The following PAK1 variants were observed in gnomAD, a reference collection of about 807,000 sequenced individuals.
PAK1 encodes p21 (RAC1) activated kinase 1.
PAK1 carries 29 observed loss-of-function variants against 67.4 expected under a neutral mutation model. The observed-to-expected ratio is 0.43, with a 90% CI of 0.32 to 0.59. The LOEUF (loss-of-function observed/expected upper bound fraction) is 0.59, where lower values mean the gene tolerates loss of function less well. PAK1 is among the 20% of genes least tolerant of loss of function. The probability of loss-of-function intolerance (pLI) is 0.07; values close to 1 mark genes in which losing one functional copy is unlikely to be tolerated. For synonymous variants in PAK1, 223 were observed against 237.4 expected, an observed-to-expected ratio of 0.94 and a Z score of 0.56; for missense variants, 337 against 670.7, an observed-to-expected ratio of 0.50 and a Z score of 5.50.
intron 2 of PAK1, among the ~76,000 whole-genome samples, chr11:77,380,330 C>A (rs1164752193): frequency 6.6e-6 from 1 of 151,976 alleles, no homozygotes; most frequent in East Asian, 1.9e-4. Context: ...CCTGTCTCTG[C>A]AAAAATACAA....
At chr11:77,436,695 C>A (rs1460696266) in intron 1 of PAK1, among the ~76,000 whole-genome samples, 4 of 152,146 alleles carry the variant, frequency 2.6e-5, no homozygotes, top group Non-Finnish European at 4.4e-5. Flanking sequence ...ACAGCCAGTG[C>A]CAATCAGGAA....
chr11:77,450,293 T>C (rs1423637213), intron 1 of PAK1, among the ~76,000 whole-genome samples: 3 of 152,080 alleles, frequency 2.0e-5, no homozygotes, highest in Non-Finnish European at 1.5e-5. Context: ...GTTTACCTGA[T>C]CATGTGGGTT....
At chr11:77,451,677 G>A (rs1956862018) in intron 1 of PAK1, among the ~76,000 whole-genome samples, 1 of 142,806 alleles carries the variant, frequency 7.0e-6, no homozygotes, top group African/African-American at 2.8e-5. Context: ...TCTGCTCACT[G>A]CAAGCTCCGC....
chr11:77,374,773 CTA>C, intron 4 of PAK1, among the ~76,000 whole-genome samples: 1 of 152,278 alleles, frequency 6.6e-6, no homozygotes, highest in East Asian at 1.9e-4. Flanking sequence ...GCTTTCTAGG[CTA>C]CAAACCTGTA....
At chr11:77,458,889 G>A (rs1327632661) in intron 1 of PAK1, among the ~76,000 whole-genome samples, 2 of 152,154 alleles carry the variant, frequency 1.3e-5, no homozygotes, top group Non-Finnish European at 2.9e-5. Flanking sequence ...CACTGATCAA[G>A]ATACTGAAGA....
chr11:77,385,855 CA>C (rs888889360), intron 2 of PAK1, among the ~76,000 whole-genome samples: 8 of 144,892 alleles, frequency 5.5e-5, no homozygotes, highest in Admixed American at 2.1e-4. Context: ...GTGACTGTCT[CA>C]AAAAAAAAAG....
chr11:77,385,657 A>G (rs1487906373), intron 2 of PAK1, among the ~76,000 whole-genome samples: 2 of 152,014 alleles, frequency 1.3e-5, no homozygotes, highest in Non-Finnish European at 2.9e-5. Context: ...GGAGTTCAAG[A>G]CCAGCCTGGC....
At chr11:77,361,560 T>C (rs1047775956) in intron 5 of PAK1, among the ~76,000 whole-genome samples, 32 of 150,806 alleles carry the variant, frequency 2.1e-4, no homozygotes, top group African/African-American at 7.4e-4. Flanking sequence ...TGATGTAATC[T>C]ATACATTTTT....
chr11:77,420,277 T>G (rs1955190145), intron 1 of PAK1, among the ~76,000 whole-genome samples: 1 of 152,212 alleles, frequency 6.6e-6, no homozygotes, highest in Non-Finnish European at 1.5e-5. Context: ...TGGTCCTTCT[T>G]GGAAATAGTA....
At chr11:77,441,802 T>C (rs951595826) in intron 1 of PAK1, among the ~76,000 whole-genome samples, 1 of 152,222 alleles carries the variant, frequency 6.6e-6, no homozygotes, top group African/African-American at 2.4e-5. Flanking sequence ...GCATTAAGTA[T>C]TGGAGATGCA....
intron 1 of PAK1, among the ~76,000 whole-genome samples, chr11:77,465,378 TA>T (rs977412239): frequency 6.6e-6 from 1 of 152,112 alleles, no homozygotes; most frequent in Non-Finnish European, 1.5e-5. Flanking sequence ...AGAATTAAGT[TA>T]AATGAGACTC....
intron 1 of PAK1, among the ~76,000 whole-genome samples, chr11:77,471,425 G>C (rs570867536): frequency 5.3e-5 from 8 of 152,294 alleles, no homozygotes; most frequent in Non-Finnish European, 1.2e-4. Context: ...GAGCGCTACA[G>C]AAGGCCATAA....
chr11:77,454,065 A>C (rs886851077), intron 1 of PAK1, among the ~76,000 whole-genome samples: 1 of 152,232 alleles, frequency 6.6e-6, no homozygotes, highest in Non-Finnish European at 1.5e-5. Context: ...CCTTGTCTTG[A>C]AAAATAAATA....
intron 1 of PAK1, among the ~76,000 whole-genome samples, chr11:77,410,758 TAG>T (rs1384299656): frequency 6.6e-6 from 1 of 151,002 alleles, no homozygotes; most frequent in Admixed American, 6.6e-5. Flanking sequence ...GAGGAAGACG[TAG>T]AGTCATGAAA....
intron 1 of PAK1, among the ~76,000 whole-genome samples, chr11:77,419,680 A>G (rs1955155353): frequency 6.6e-6 from 1 of 152,238 alleles, no homozygotes; most frequent in African/African-American, 2.4e-5. Context: ...TTTTAAAACA[A>G]TATGTGTACT....
chr11:77,520,009 C>T, the PAK1 span, among the ~76,000 whole-genome samples: 51 of 152,180 alleles, frequency 3.4e-4, no homozygotes, highest in Non-Finnish European at 6.6e-4. Flanking sequence ...GTGGCCCCCC[C>T]CTCCGCCCGT....
intron 1 of PAK1, among the ~76,000 whole-genome samples, chr11:77,443,026 T>C (rs908964501): frequency 5.3e-5 from 8 of 152,254 alleles, no homozygotes; most frequent in African/African-American, 1.7e-4. Flanking sequence ...TAAAACAGTA[T>C]AGAATTATAC....
chr11:77,334,177 A>T lies in PAK1; in HGVS notation c.1414-1310T>A, dbSNP rs1430196889. 4.8e-5 allele frequency among the ~76,000 whole-genome samples: 7 copies of T among 147,342 alleles called. No homozygotes were observed. The South Asian group carries it at 8.4e-4, about 18-fold the overall frequency. On this transcript the variant is annotated intron_variant, in intron 13 of 14. Coordinates refer to ENST00000356341, the MANE Select transcript of PAK1 (RefSeq NM_002576.5). ...GAGTGAGACTCCATCTCAAAAAAAA[A>T]AATAAAATAAAAATAAAAAAATAAA...
chr11:77,463,428 A>T lies in PAK1; in HGVS notation c.-22+10124T>A, dbSNP rs570368465. On this transcript the variant is annotated intron_variant, in intron 1 of 14. Coordinates refer to ENST00000356341, the MANE Select transcript of PAK1 (RefSeq NM_002576.5). ...TATAGTATAAAATGAAACAGTTTCA[A>T]GAAGAGTCAGCCTACAGGAAAATTT... 1.6e-4 allele frequency among the ~76,000 whole-genome samples: 25 copies of T among 152,352 alleles called. No homozygotes were observed. The East Asian group carries it at 4.0e-3, about 25-fold the overall frequency.
Sources: gnomAD v4.1 joint callset for allele counts (sites outside exome capture counted in the v4.1 genomes callset) on GRCh38, gnomAD v4.1.1 for gene constraint, MANE v1.5 for transcripts, NCBI Gene and HGNC (gene_info 2026-07-23, HGNC 2026-07-21) for gene names.